Variants in TYMS observed in about 807,000 individuals in gnomAD.
The protein encoded by TYMS is thymidylate synthase.
Under a neutral mutation model 39.3 loss-of-function variants are expected in TYMS, and 21 were observed. The observed-to-expected ratio is 0.54, with a 90% CI of 0.38 to 0.77. The LOEUF (loss-of-function observed/expected upper bound fraction) is 0.77, where lower values mean the gene tolerates loss of function less well. Among genes scored for constraint, TYMS ranks in the 30% least tolerant of loss-of-function variants. TYMS has a pLI of 0.00. For missense variants in TYMS, 273 were observed against 406.7 expected (o/e 0.67, Z 2.83); for synonymous variants, 171 against 162.2 (o/e 1.05, Z -0.41).
rs1386563023 is a variant in TYMS, at chr18:664,913, G to A, written c.454+2593G>A. Among the ~76,000 whole-genome samples the A allele has an allele frequency of 3.5e-5, 5 of 142,352 alleles. No individual in the cohort carries two copies. In the East Asian group the frequency reaches 6.3e-4, roughly 18 times the overall value. The allele number at this position is 142,352 out of a possible 152,430, so 93.4% of individuals were successfully genotyped here. On this transcript the variant is annotated intron_variant, in intron 3 of 6. Transcript: ENST00000323274. Reference sequence around the variant, plus strand: ...AGCTTTTTGATGTGCTGCTGGATTCGGTTTGCCAGTATTTTATTGAGGAAT... The same window carrying A: ...AGCTTTTTGATGTGCTGCTGGATTCAGTTTGCCAGTATTTTATTGAGGAAT...
chr18:666,285 T>G (rs1348747053), intron 3 of TYMS, among the ~76,000 whole-genome samples: 3 of 151,626 alleles, frequency 2.0e-5, no homozygotes, highest in Non-Finnish European at 2.9e-5. Flanking sequence ...AGGGACAAAA[T>G]GCCCCCATTG....
chr18:667,955 CTTTTTG>C (rs1225802208), intron 3 of TYMS, among the ~76,000 whole-genome samples: 9 of 125,402 alleles, frequency 7.2e-5, no homozygotes, highest in South Asian at 5.2e-4. Flanking sequence ...AAGTTTGTCC[CTTTTTG>C]TTTTTAATTT....
At chr18:668,809 C>T (rs1057241277) in intron 3 of TYMS, among the ~76,000 whole-genome samples, 2 of 151,998 alleles carry the variant, frequency 1.3e-5, no homozygotes, top group Non-Finnish European at 2.9e-5. Flanking sequence ...GAGGTGACTC[C>T]ATGACAGACC....
chr18:671,069 T>C, intron 5 of TYMS: 2 of 643,954 alleles, frequency 3.1e-6, no homozygotes, highest in South Asian at 2.0e-5. Flanking sequence ...CACTAACAGA[T>C]CTATACAGGT....
intron 6 of TYMS, chr18:671,817 G>A (rs1341076276): frequency 1.2e-5 from 3 of 249,196 alleles, no homozygotes; most frequent in Non-Finnish European, 2.3e-5. Context: ...TTTCTCTGTC[G>A]GCCAGGCTGG....
At chr18:672,801 G>A (rs565099702) in intron 6 of TYMS, 59 bp from the exon 7 acceptor site, 86 of 1,507,190 alleles carry the variant, frequency 5.7e-5, no homozygotes, top group Admixed American at 1.7e-4. Context: ...ACGGACATGA[G>A]GAGCAATTAC....
At chr18:669,293 TTGA>T in intron 4 of TYMS, 120 bp downstream of exon 4, 1 of 316,046 alleles carries the variant, frequency 3.2e-6, no homozygotes, top group Non-Finnish European at 4.6e-6. Context: ...AGCCACATGG[TTGA>T]TTGTGTGACG....
chr18:665,015 G>T (rs1455940541), intron 3 of TYMS, among the ~76,000 whole-genome samples: 1 of 151,480 alleles, frequency 6.6e-6, no homozygotes, highest in African/African-American at 2.4e-5. Flanking sequence ...TTTGGTATCA[G>T]GATGATGCTG....
chr18:666,909 T>TGATGGA (rs1290842892), intron 3 of TYMS, among the ~76,000 whole-genome samples: 4 of 41,492 alleles, frequency 9.6e-5, no homozygotes, highest in Non-Finnish European at 5.2e-5. Context: ...ATGGAGATGG[T>TGATGGA]GATGGTGATG....
At chr18:671,297 G>A (rs1403642449) in intron 5 of TYMS, 83 bp from the exon 6 acceptor site, 4 of 923,848 alleles carry the variant, frequency 4.3e-6, no homozygotes, top group Non-Finnish European at 7.1e-6. Context: ...GCCTTGCGGT[G>A]TCTGCATATT....
At chr18:659,496 C>T (rs745658373) in intron 1 of TYMS, 145 bp from the exon 2 acceptor site, 3 of 691,012 alleles carry the variant, frequency 4.3e-6, no homozygotes, top group East Asian at 2.5e-5. Flanking sequence ...GGAGCTCCAC[C>T]GTGATCTCTG....
chr18:658,123 G>T lies in TYMS; in HGVS notation c.205+176G>T, dbSNP rs769387992. The stretch of plus-strand genomic sequence containing the variant: ...GACGCCGAAACGGAGGGTCCCATTA[G>T]GGACGTGACTGGCGCGGGCAACACA... On this transcript the variant is annotated intron_variant, in intron 1 of 6. Coordinates refer to ENST00000323274, the MANE Select transcript of TYMS (RefSeq NM_001071.4). The surrounding 1 kb of genome is among the most constrained non-coding windows in gnomAD (Gnocchi z 4.5). 1.4e-5 allele frequency: 23 copies of T among 1,588,330 alleles called. No individual in the cohort carries two copies. Among genetic ancestry groups the T allele is most frequent in the Non-Finnish European group, 1.6e-5 (19 of 1,170,948 alleles).
At position 659,642 on chromosome 18, in the gene TYMS, T is replaced by C. The variant is rs1183636004; in HGVS notation, c.207T>C (p.Asp69=). 6.2e-7 allele frequency: 1 copy of C among 1,614,038 alleles called. No homozygotes were observed. Among genetic ancestry groups the C allele is most frequent in the South Asian group, 1.1e-5 (1 of 91,088 alleles). The change falls in exon 2 of 7, where the codon GAT becomes GAC. Residue 69 remains aspartate, a splice_region_variant and synonymous_variant. Transcript: ENST00000323274. ...FGMQARYSLR[D]EFPLLTTKRV... ...ACCGTATGGCAAATTGTTTTTCAGA[T>C]GAATTCCCTCTGCTGACAACCAAAC...
At chr18:667,770 C>G (rs2606242) in intron 3 of TYMS, 52,490 of 151,924 alleles carry the variant, frequency 0.35, 9,563 homozygotes, top group East Asian at 0.68. Flanking sequence ...TTCTGCAGGT[C>G]GTTGCCTGCA....
intron 2 of TYMS, 45 bp from the exon 3 acceptor site, chr18:662,101 T>TA: frequency 6.4e-7 from 1 of 1,552,054 alleles, no homozygotes; most frequent in Non-Finnish European, 8.7e-7. Flanking sequence ...TGAGATGGCT[T>TA]AGGATTTACC....
intron 3 of TYMS, among the ~76,000 whole-genome samples, chr18:667,511 T>C (rs866644710): frequency 4.3e-5 from 2 of 46,032 alleles, no homozygotes; most frequent in African/African-American, 1.6e-4. Context: ...ATGGTGATGG[T>C]GATGGTGATG....
Position 667,553 on chromosome 18 carries a change from A to AGATGGT in TYMS, c.455-1507_455-1502dup, listed in dbSNP as rs1327773362. ...GAGATGGTGATGGTGATGGTGATGG[A>AGATGGT]GATGGTGATGGTGATGGAGATGGTG... On this transcript the variant is annotated intron_variant, in intron 3 of 6. Transcript: ENST00000323274. 9.7e-4 allele frequency among the ~76,000 whole-genome samples: 18 copies of AGATGGT among 18,594 alleles called. 1 individual carries two copies. The highest frequency in any genetic ancestry group is 1.6e-3 in the African/African-American group (3 of 1,854). The allele number at this position is 18,594 out of a possible 152,430, so 12.2% of individuals were successfully genotyped here. A position where few individuals can be genotyped will look rare whatever the true frequency, so the allele number is the denominator to read the frequency against.
rs1355679129 is a variant in TYMS at position 669,185 on chromosome 18, C to G, written c.556+12C>G. On this transcript the variant is annotated intron_variant, in intron 4 of 6. Coordinates refer to ENST00000323274, the MANE Select transcript of TYMS (RefSeq NM_001071.4). ...TTGGAATCCAAGAGGTTGAAAGAAC[C>G]CCGTCGTCTTCATTTATACTAACCA... 1 of 1,609,648 alleles carries G rather than the reference C, an allele frequency of 6.2e-7. No homozygotes were observed. Among genetic ancestry groups the G allele is most frequent in the Non-Finnish European group, 8.5e-7 (1 of 1,176,152 alleles).
chr18:670,642 T>C, intron 4 of TYMS, 50 bp from the exon 5 acceptor site: 1 of 1,598,030 alleles, frequency 6.3e-7, no homozygotes, highest in Non-Finnish European at 8.6e-7. Context: ...CCTTTAGCTG[T>C]GGTCTTTCAA....
Sources: gnomAD v4.1 joint callset for allele counts (sites outside exome capture counted in the v4.1 genomes callset) on GRCh38, gnomAD v4.1.1 for gene constraint, Gnocchi (gnomAD v3.1) non-coding constraint, MANE v1.5 for transcripts, NCBI Gene and HGNC (gene_info 2026-07-23, HGNC 2026-07-21) for gene names.